RFTN2: variants seen among roughly 807,000 people sequenced by gnomAD.
RFTN2 encodes raftlin-2.
RFTN2 carries 34 observed loss-of-function variants against 52.7 expected under a neutral mutation model. That is an observed-to-expected ratio of 0.64 (90% CI 0.49 to 0.86). RFTN2 has a LOEUF of 0.86. RFTN2 is among the 40% of genes least tolerant of loss of function. RFTN2 has a pLI of 0.00. For synonymous variants in RFTN2, 203 were observed against 217.7 expected (o/e 0.93, Z 0.59); for missense variants, 536 against 600.1 (o/e 0.89, Z 1.12).
At chr2:197,603,744 G>A (rs771580421) in intron 7 of RFTN2, among the ~76,000 whole-genome samples, 24 of 152,072 alleles carry the variant, frequency 1.6e-4, no homozygotes, top group Admixed American at 2.6e-4. Flanking sequence ...GTGAAACTCC[G>A]TCTCTACTAA....
intron 8 of RFTN2, among the ~76,000 whole-genome samples, chr2:197,585,016 C>G (rs1398700342): frequency 6.6e-6 from 1 of 152,184 alleles, no homozygotes; most frequent in Non-Finnish European, 1.5e-5. Context: ...CAACTGCCGT[C>G]CACCTGCAGG....
chr2:197,661,364 G>A (rs6741314), intron 1 of RFTN2, among the ~76,000 whole-genome samples: 103,368 of 151,742 alleles, frequency 0.68, 35,539 homozygotes, highest in Middle Eastern at 0.85. Flanking sequence ...CAGAGTAGTC[G>A]GAACTACAGG....
Position 197,631,150 on chromosome 2 carries a change from T to G in RFTN2, c.789A>C (p.Glu263Asp), listed in dbSNP as rs200979107. 6.2e-7 allele frequency: 1 copy of G among 1,613,630 alleles called. No homozygotes were observed. Among genetic ancestry groups the G allele is most frequent in the Non-Finnish European group, 8.5e-7 (1 of 1,179,662 alleles). Residue 263 changes from glutamate (E) to aspartate (D), a missense_variant, in exon 5 of 9, where the codon GAA becomes GAC. Physicochemically the swap from Glu to Asp is conservative, Grantham distance 45. Transcript: ENST00000295049. ...DDDSTSWAYQ[E>D]GILSMKVTRK... ...TTGTTACTTTCATTGACAGGATGCC[T>G]TCCTGATAGGCCCAGGAGGTTGAAT...
At chr2:197,618,069 C>T (rs2088176687) in intron 5 of RFTN2, 148 bp from the exon 6 acceptor site, 2 of 376,196 alleles carry the variant, frequency 5.3e-6, no homozygotes, top group Non-Finnish European at 9.4e-6. Context: ...TCCCCCTCTC[C>T]CTCTCCCTCT....
intron 5 of RFTN2, among the ~76,000 whole-genome samples, chr2:197,618,770 C>T (rs1296305588): frequency 1.1e-4 from 16 of 147,298 alleles, no homozygotes; most frequent in African/African-American, 1.2e-4. Flanking sequence ...CGTCTCTGCC[C>T]GGACGCCCCG....
intron 7 of RFTN2, among the ~76,000 whole-genome samples, chr2:197,607,614 G>T (rs1461728688): frequency 6.6e-6 from 1 of 151,836 alleles, no homozygotes; most frequent in Non-Finnish European, 1.5e-5. Flanking sequence ...AATTGTCGTG[G>T]CTTAACATTT....
At chr2:197,608,821 C>T (rs546720686) in intron 7 of RFTN2, among the ~76,000 whole-genome samples, 1 of 151,968 alleles carries the variant, frequency 6.6e-6, no homozygotes, top group African/African-American at 2.4e-5. Flanking sequence ...TGTGATGTTC[C>T]CCTCCCTGTG....
intron 8 of RFTN2, among the ~76,000 whole-genome samples, chr2:197,573,103 G>A (rs1167738559): frequency 6.6e-6 from 1 of 151,792 alleles, no homozygotes; most frequent in Non-Finnish European, 1.5e-5. Flanking sequence ...TAGTAGAGTG[G>A]CGGGGGTGGG....
chr2:197,616,506 G>C (rs2088148521), intron 6 of RFTN2, among the ~76,000 whole-genome samples: 1 of 151,832 alleles, frequency 6.6e-6, no homozygotes, highest in African/African-American at 2.4e-5. Flanking sequence ...TGCCCAGGCT[G>C]GTCTTGAACT....
intron 5 of RFTN2, among the ~76,000 whole-genome samples, chr2:197,621,701 C>G (rs1439238321): frequency 6.6e-6 from 1 of 152,024 alleles, no homozygotes; most frequent in Non-Finnish European, 1.5e-5. Flanking sequence ...TGGCCCTTCC[C>G]CCATCTCTCT....
At chr2:197,640,055 G>T (rs1296247791) in intron 3 of RFTN2, among the ~76,000 whole-genome samples, 5 of 152,240 alleles carry the variant, frequency 3.3e-5, no homozygotes, top group Admixed American at 1.3e-4. Context: ...CTGCTCAGGG[G>T]TCAGGGGTCA....
rs956909828 is a variant in RFTN2, at chr2:197,595,686, A to C, written c.1233+305T>G. ...ATTTATGTCGCCTTTATAAAGTGACATGTGTGCCCTTGTTTTTCAGCAGAA... is the reference window on the plus strand; with the variant it reads ...ATTTATGTCGCCTTTATAAAGTGACCTGTGTGCCCTTGTTTTTCAGCAGAA... On this transcript the variant is annotated intron_variant, in intron 8 of 8. Coordinates refer to ENST00000295049, the MANE Select transcript of RFTN2 (RefSeq NM_144629.3). Among the ~76,000 whole-genome samples, 26 of 152,348 alleles carry C rather than the reference A, an allele frequency of 1.7e-4. 1 individual carries two copies. The highest frequency in any genetic ancestry group is 1.5e-3 in the Admixed American group (23 of 15,300).
chr2:197,610,279 T>G (rs932371135), intron 7 of RFTN2, among the ~76,000 whole-genome samples: 1 of 152,234 alleles, frequency 6.6e-6, no homozygotes, highest in Admixed American at 6.5e-5. Flanking sequence ...GTTTGTGTCC[T>G]CTTTTATTTC....
In RFTN2 at chr2:197,636,916, C is replaced by G. The variant is rs2088576526; in HGVS notation, c.439-2919G>C. ...CTTATTATTTTGAAATACGTCCCAT[C>G]AATACCTAATTTATTGAGAGTTTTT... On this transcript the variant is annotated intron_variant, in intron 3 of 8. Transcript: ENST00000295049. 3.3e-5 allele frequency among the ~76,000 whole-genome samples: 5 copies of G among 152,118 alleles called. No homozygotes were observed. In the South Asian group the frequency reaches 1.0e-3, roughly 32 times the overall value.
At chr2:197,634,035 C>T in intron 3 of RFTN2, 38 bp from the exon 4 acceptor site, 3 of 1,531,580 alleles carry the variant, frequency 2.0e-6, no homozygotes, top group Non-Finnish European at 2.7e-6. Flanking sequence ...AAAATGTAAA[C>T]TCTATTTTCA....
intron 7 of RFTN2, among the ~76,000 whole-genome samples, chr2:197,609,162 C>T (rs758345154): frequency 6.6e-6 from 1 of 152,170 alleles, no homozygotes; most frequent in East Asian, 1.9e-4. Flanking sequence ...AATGGGATCA[C>T]TGCGTCAAAT....
chr2:197,657,958 C>T (rs1394493683), intron 1 of RFTN2, among the ~76,000 whole-genome samples: 2 of 151,972 alleles, frequency 1.3e-5, no homozygotes, highest in African/African-American at 2.4e-5. Context: ...GTATTCAAAC[C>T]TTCTTCAGTT....
In RFTN2 at chr2:197,631,164, A is replaced by G; in HGVS notation, c.775T>C (p.Trp259Arg). 1 of 1,613,672 alleles carries G rather than the reference A, an allele frequency of 6.2e-7. No individual in the cohort carries two copies. The highest frequency in any genetic ancestry group is 8.5e-7 in the Non-Finnish European group (1 of 1,179,770). Residue 259 changes from tryptophan (W) to arginine (R), a missense_variant, in exon 5 of 9, where the codon TGG becomes CGG. Coordinates refer to ENST00000295049, the MANE Select transcript of RFTN2 (RefSeq NM_144629.3). The stretch of plus-strand genomic sequence containing the variant: ...GACAGGATGCCTTCCTGATAGGCCC[A>G]GGAGGTTGAATCATCATCAAAAGCA... ...FNAFDDDSTSWAYQEGILSMK... is the reference protein window; with the variant it reads ...FNAFDDDSTSRAYQEGILSMK...
chr2:197,605,889 G>A (rs2106198812), intron 7 of RFTN2, among the ~76,000 whole-genome samples: 1 of 152,068 alleles, frequency 6.6e-6, no homozygotes, highest in East Asian at 1.9e-4. Context: ...TTTCATCACG[G>A]TGCCCCCTCA....
Sources: gnomAD v4.1 joint callset for allele counts (sites outside exome capture counted in the v4.1 genomes callset) on GRCh38, gnomAD v4.1.1 for gene constraint, MANE v1.5 for transcripts, NCBI Gene and HGNC (gene_info 2026-07-23, HGNC 2026-07-21) for gene names.